PKIB: variants seen among roughly 807,000 people sequenced by gnomAD.
PKIB encodes PKI-beta.
A neutral mutation model predicts 4.5 loss-of-function variants in PKIB; 2 were observed. The ratio of observed to expected loss-of-function variants is 0.44; its 90% CI spans 0.18 to 1.39. PKIB has a LOEUF of 1.39. Ranked by LOEUF, PKIB falls within the 40% of genes most tolerant of loss-of-function variation. The probability of loss-of-function intolerance (pLI) is 0.27; values close to 1 mark genes in which losing one functional copy is unlikely to be tolerated. For missense variants in PKIB, 94 were observed against 92.6 expected, an observed-to-expected ratio of 1.02 and a Z score of -0.06; for synonymous variants, 38 against 36.0, an observed-to-expected ratio of 1.06 and a Z score of -0.20.
intron 2 of PKIB, chr6:122,479,792 A>C (rs144340414): frequency 6.6e-6 from 1 of 152,196 alleles, no homozygotes; most frequent in East Asian, 1.9e-4. Flanking sequence ...GTTCTTTTGT[A>C]TATAGATAGA....
At chr6:122,677,866 CCTTCCTTCCTTCCTTCCTTCCTTCCTTT>C (rs764436255) in intron 3 of PKIB, among the ~76,000 whole-genome samples, 5,815 of 118,092 alleles carry the variant, frequency 0.049, 159 homozygotes, top group Middle Eastern at 0.083. Context: ...TTCCTTCCTT[CCTTCCTTCCTTCCTTCCTTCCTTCCTTT>C]CTTTCTTTCT....
At chr6:122,588,319 A>C (rs1040798158) in intron 3 of PKIB, among the ~76,000 whole-genome samples, 3 of 152,136 alleles carry the variant, frequency 2.0e-5, no homozygotes, top group African/African-American at 7.2e-5. Flanking sequence ...AGATAGTTGT[A>C]GATATGCAGC....
rs148622926 is a variant in PKIB, at chr6:122,516,220, G to A, written c.-248+38281G>A. ...GGCTTCCTGGAAGACTGTACTGTAA[G>A]TATGGAGCTGTCTTCTCTTTTGGTC... On this transcript the variant is annotated intron_variant, in intron 2 of 6. Transcript: ENST00000392491. 4.1e-4 allele frequency among the ~76,000 whole-genome samples: 63 copies of A among 152,310 alleles called. 1 individual carries two copies. Among genetic ancestry groups the A allele is most frequent in the African/African-American group, 1.3e-3 (55 of 41,576 alleles).
intron 3 of PKIB, among the ~76,000 whole-genome samples, chr6:122,587,638 C>T (rs1223420742): frequency 2.0e-5 from 3 of 152,192 alleles, no homozygotes; most frequent in African/African-American, 7.2e-5. Context: ...TTTACAGCCC[C>T]ACCAACAGTG....
chr6:122,562,949 G>A (rs1018846897), intron 2 of PKIB, among the ~76,000 whole-genome samples: 3 of 151,686 alleles, frequency 2.0e-5, no homozygotes, highest in East Asian at 3.9e-4. Context: ...TAACCTCCTG[G>A]ATTCTTTTTC....
intron 3 of PKIB, among the ~76,000 whole-genome samples, chr6:122,680,805 C>A (rs1258844143): frequency 6.6e-6 from 1 of 152,214 alleles, no homozygotes; most frequent in Non-Finnish European, 1.5e-5. Flanking sequence ...CTTTTCCAAT[C>A]TATTCCGTTT....
intron 3 of PKIB, among the ~76,000 whole-genome samples, chr6:122,686,427 A>G (rs912858603): frequency 5.3e-5 from 8 of 151,642 alleles, no homozygotes; most frequent in Non-Finnish European, 1.2e-4. Context: ...CATTTCTTAT[A>G]CCTGTTTGCC....
chr6:122,617,286 G>A (rs559601445), intron 1 of PKIB, among the ~76,000 whole-genome samples: 1 of 152,310 alleles, frequency 6.6e-6, no homozygotes, highest in South Asian at 2.1e-4. Flanking sequence ...GTTGAGGGGA[G>A]CCATTTTTAT....
At chr6:122,715,524 C>G (rs1173744926) in intron 3 of PKIB, among the ~76,000 whole-genome samples, 1 of 151,574 alleles carries the variant, frequency 6.6e-6, no homozygotes, top group Non-Finnish European at 1.5e-5. Context: ...GGAGGGCTCA[C>G]AAGATAACCA....
At chr6:122,482,307 G>A (rs1362657818) in intron 2 of PKIB, 1 of 152,260 alleles carries the variant, frequency 6.6e-6, no homozygotes, top group African/African-American at 2.4e-5. Flanking sequence ...AAGGGAGCTA[G>A]CACTGAGAAA....
At chr6:122,702,073 G>T (rs1778832535) in intron 3 of PKIB, among the ~76,000 whole-genome samples, 1 of 152,130 alleles carries the variant, frequency 6.6e-6, no homozygotes, top group African/African-American at 2.4e-5. Flanking sequence ...ACAGTAAGGA[G>T]ACTTGCCAGT....
At chr6:122,695,640 CTTCTT>C (rs569562616) in intron 3 of PKIB, among the ~76,000 whole-genome samples, 1,632 of 152,126 alleles carry the variant, frequency 0.011, 30 homozygotes, top group African/African-American at 0.036. Context: ...TTTTAGGTGA[CTTCTT>C]TATAACTTTA....
chr6:122,655,679 A>G (rs1182246321), intron 2 of PKIB, among the ~76,000 whole-genome samples: 1 of 152,244 alleles, frequency 6.6e-6, no homozygotes, highest in Non-Finnish European at 1.5e-5. Flanking sequence ...ACATAAATAA[A>G]TAAAAGTACA....
intron 3 of PKIB, among the ~76,000 whole-genome samples, chr6:122,592,482 G>A (rs1774047870): frequency 6.6e-6 from 1 of 152,130 alleles, no homozygotes; most frequent in African/African-American, 2.4e-5. Context: ...ATATCGTCTA[G>A]CAATATAGTG....
chr6:122,642,109 C>G (rs1044699370), intron 2 of PKIB, among the ~76,000 whole-genome samples: 1 of 152,210 alleles, frequency 6.6e-6, no homozygotes, highest in African/African-American at 2.4e-5. Context: ...TATAGTTAAT[C>G]AAGTAATTTT....
At chr6:122,520,780 C>A (rs113245931) in intron 2 of PKIB, among the ~76,000 whole-genome samples, 1 of 150,956 alleles carries the variant, frequency 6.6e-6, no homozygotes, top group Non-Finnish European at 1.5e-5. Context: ...AAAGTAGGGA[C>A]CATTACAATC....
At chr6:122,553,394 C>T (rs1164949882) in intron 2 of PKIB, among the ~76,000 whole-genome samples, 3 of 151,226 alleles carry the variant, frequency 2.0e-5, no homozygotes, top group African/African-American at 4.9e-5. Context: ...ATATCCTGGC[C>T]CTTAAATGCA....
At chr6:122,479,866 G>A (rs547421243) in intron 2 of PKIB, 37 of 152,050 alleles carry the variant, frequency 2.4e-4, no homozygotes, top group African/African-American at 8.9e-4. Flanking sequence ...TGCCAGTGCC[G>A]GTATTGACTG....
chr6:122,625,292 T>G (rs1200054555), intron 1 of PKIB, among the ~76,000 whole-genome samples: 1 of 152,226 alleles, frequency 6.6e-6, no homozygotes, highest in Non-Finnish European at 1.5e-5. Context: ...CTTTTAGTAC[T>G]TGAATAAAAA....
Sources: gnomAD v4.1 joint callset for allele counts (sites outside exome capture counted in the v4.1 genomes callset) on GRCh38, gnomAD v4.1.1 for gene constraint, MANE v1.5 for transcripts, NCBI Gene and HGNC (gene_info 2026-07-23, HGNC 2026-07-21) for gene names.